Variants in CRACR2A observed in about 807,000 individuals in gnomAD.
CRACR2A encodes calcium release activated channel regulator 2A.
In CRACR2A, 79 loss-of-function variants were observed where a neutral mutation model predicts 90.5. The observed-to-expected ratio is 0.87, with a 90% CI of 0.73 to 1.05. CRACR2A has a LOEUF of 1.05. Among genes scored for constraint, CRACR2A ranks in the 50% least tolerant of loss-of-function variants. The pLI is 0.00. For synonymous variants in CRACR2A, 338 were observed against 356.7 expected (o/e 0.95, Z 0.59); for missense variants, 823 against 897.2 (o/e 0.92, Z 1.06).
At chr12:3,717,003 G>C (rs1946092454) in intron 2 of CRACR2A, among the ~76,000 whole-genome samples, 1 of 152,178 alleles carries the variant, frequency 6.6e-6, no homozygotes, top group South Asian at 2.1e-4. Flanking sequence ...TGTCTAAGTG[G>C]ATGGCACAGG....
intron 2 of CRACR2A, among the ~76,000 whole-genome samples, chr12:3,725,482 C>T (rs1946248685): frequency 6.6e-6 from 1 of 152,112 alleles, no homozygotes; most frequent in South Asian, 2.1e-4. Context: ...AGACACTTGC[C>T]ACTGAATTCA....
chr12:3,716,519 G>A (rs762179929), intron 2 of CRACR2A, among the ~76,000 whole-genome samples: 1 of 152,206 alleles, frequency 6.6e-6, no homozygotes, highest in African/African-American at 2.4e-5. Context: ...GTTGGCCATC[G>A]TTAGTTCTGT....
chr12:3,752,164 C>G (rs577805250), intron 1 of CRACR2A, among the ~76,000 whole-genome samples: 3 of 152,348 alleles, frequency 2.0e-5, no homozygotes, highest in Middle Eastern at 3.4e-3. Context: ...TTGAGTCACA[C>G]AGAACGAATT....
At chr12:3,695,165 G>A (rs541140269) in intron 4 of CRACR2A, among the ~76,000 whole-genome samples, 1 of 152,304 alleles carries the variant, frequency 6.6e-6, no homozygotes, top group South Asian at 2.1e-4. Flanking sequence ...CCATAAACAT[G>A]AATTTCCTTT....
intron 1 of CRACR2A, among the ~76,000 whole-genome samples, chr12:3,742,233 G>A (rs552856265): frequency 6.6e-6 from 1 of 152,276 alleles, no homozygotes; most frequent in African/African-American, 2.4e-5. Context: ...TTACCATCTG[G>A]GCATTGCTCA....
At chr12:3,678,482 T>G (rs1217344845) in intron 6 of CRACR2A, among the ~76,000 whole-genome samples, 1 of 152,154 alleles carries the variant, frequency 6.6e-6, no homozygotes. Context: ...ACCGTAGCTC[T>G]AGAGACCCAG....
chr12:3,621,872 T>C (rs141662955), intron 17 of CRACR2A, among the ~76,000 whole-genome samples: 3 of 151,810 alleles, frequency 2.0e-5, no homozygotes, highest in Non-Finnish European at 2.9e-5. Flanking sequence ...AACAGACTCA[T>C]CTCCAAATAT....
In CRACR2A at chr12:3,696,977, A is replaced by C. The variant is rs1591695173; in HGVS notation, c.23T>G (p.Val8Gly). The C allele has an allele frequency of 6.2e-7, 1 of 1,612,892 alleles. No homozygotes were observed. The change falls in exon 4 of 20, where the codon GTA becomes GGA. Residue 8 changes from valine (V) to glycine (G), a missense_variant. By Grantham distance (109) the Val-to-Gly change is moderately radical. Coordinates refer to ENST00000440314, the MANE Select transcript of CRACR2A (RefSeq NM_001144958.2). MAAPDGR[V>G]VSRPQRLGQG... ...ACCAAGTCTCTGGGGTCTGGAGACT[A>C]CCCTCCCGTCAGGGGCAGCCATCGC...
intron 2 of CRACR2A, among the ~76,000 whole-genome samples, chr12:3,715,087 C>A (rs1946063181): frequency 6.6e-6 from 1 of 152,220 alleles, no homozygotes; most frequent in African/African-American, 2.4e-5. Flanking sequence ...CTAATTAATT[C>A]ATGCATTTAT....
At chr12:3,663,811 T>C (rs1015762) in intron 7 of CRACR2A, among the ~76,000 whole-genome samples, 34,925 of 152,204 alleles carry the variant, frequency 0.23, 4,211 homozygotes, top group South Asian at 0.31. Context: ...TTGACGTATG[T>C]GGAACCCATT....
chr12:3,692,823 G>T (rs145385425), intron 4 of CRACR2A, among the ~76,000 whole-genome samples: 5 of 152,158 alleles, frequency 3.3e-5, no homozygotes, highest in Non-Finnish European at 5.9e-5. Context: ...GTGGTAGCAT[G>T]GGGGTGAGGC....
chr12:3,722,790 T>C (rs1439571775), intron 2 of CRACR2A, among the ~76,000 whole-genome samples: 1 of 152,154 alleles, frequency 6.6e-6, no homozygotes, highest in Non-Finnish European at 1.5e-5. Flanking sequence ...CCAGACACTT[T>C]CATGAAAATG....
chr12:3,711,847 G>A lies in CRACR2A; in HGVS notation c.-37+1390C>T, dbSNP rs1282817549. ...TTAACATACAAGATGCTATACTGAG[G>A]TGGAATAAAAGGCCATCCAAAGGGC... On this transcript the variant is annotated intron_variant, in intron 3 of 19. Coordinates refer to ENST00000440314, the MANE Select transcript of CRACR2A (RefSeq NM_001144958.2). The surrounding 1 kb of genome is among the most constrained non-coding windows in gnomAD (Gnocchi z 4.3). Among the ~76,000 whole-genome samples the A allele has an allele frequency of 1.3e-5, 2 of 152,190 alleles. No homozygotes were observed. Among genetic ancestry groups the A allele is most frequent in the Non-Finnish European group, 2.9e-5 (2 of 68,038 alleles).
intron 1 of CRACR2A, among the ~76,000 whole-genome samples, chr12:3,742,429 C>T (rs143860100): frequency 6.6e-6 from 1 of 152,318 alleles, no homozygotes; most frequent in African/African-American, 2.4e-5. Flanking sequence ...TTCTAGAGAC[C>T]TTCCAGAGCA....
chr12:3,658,377 C>T (rs1944956136), intron 8 of CRACR2A, among the ~76,000 whole-genome samples: 1 of 151,526 alleles, frequency 6.6e-6, no homozygotes, highest in African/African-American at 2.4e-5. Context: ...GGTGGCTGTC[C>T]GATGGCGGGG....
At chr12:3,628,809 T>C (rs919866358) in intron 15 of CRACR2A, among the ~76,000 whole-genome samples, 3 of 152,022 alleles carry the variant, frequency 2.0e-5, no homozygotes, top group East Asian at 1.9e-4. Flanking sequence ...CTTGGACAGA[T>C]AGAGACAGAA....
chr12:3,627,025 G>A (rs1034474221), intron 17 of CRACR2A, among the ~76,000 whole-genome samples: 1 of 152,142 alleles, frequency 6.6e-6, no homozygotes, highest in Non-Finnish European at 1.5e-5. Flanking sequence ...AAAGACTCAG[G>A]GGATGGGGAG....
chr12:3,619,466 T>A, intron 17 of CRACR2A, 94 bp from the exon 18 acceptor site: 1 of 936,672 alleles, frequency 1.1e-6, no homozygotes, highest in African/African-American at 1.6e-5. Context: ...GGGACCTCGC[T>A]TGAGAATCCC....
At chr12:3,628,427 G>GA (rs1328820523) in intron 15 of CRACR2A, among the ~76,000 whole-genome samples, 2 of 152,070 alleles carry the variant, frequency 1.3e-5, no homozygotes, top group Admixed American at 6.5e-5. Flanking sequence ...AGGGGTAAGA[G>GA]AAAAAATCAC....
Sources: gnomAD v4.1 joint callset for allele counts (sites outside exome capture counted in the v4.1 genomes callset) on GRCh38, gnomAD v4.1.1 for gene constraint, Gnocchi (gnomAD v3.1) non-coding constraint, MANE v1.5 for transcripts, NCBI Gene and HGNC (gene_info 2026-07-23, HGNC 2026-07-21) for gene names.